BRPF3: variants seen among roughly 807,000 people sequenced by gnomAD.
The protein encoded by BRPF3 is bromodomain and PHD finger-containing protein 3.
BRPF3 carries 18 observed loss-of-function variants against 102.0 expected under a neutral mutation model. The observed-to-expected ratio is 0.18, with a 90% CI of 0.12 to 0.26. BRPF3 has a LOEUF of 0.26. BRPF3 is among the 10% of genes least tolerant of loss of function. The pLI, the probability that BRPF3 is intolerant of heterozygous loss-of-function variation, is 1.00. For synonymous variants in BRPF3, 570 were observed against 614.2 expected (o/e 0.93, Z 1.06); for missense variants, 1,147 against 1,567.8 (o/e 0.73, Z 4.53).
In BRPF3 at chr6:36,201,535, A is replaced by G; in HGVS notation, c.1213A>G (p.Ser405Gly). 6.2e-7 allele frequency: 1 copy of G among 1,614,182 alleles called. No homozygotes were observed. Among genetic ancestry groups the G allele is most frequent in the Non-Finnish European group, 8.5e-7 (1 of 1,180,018 alleles). The change falls in exon 2 of 13, where the codon AGT (serine) becomes GGT (glycine). Residue 405 changes from serine to glycine, a missense_variant. This residue lies in a region of BRPF3 where 157 missense variants were observed against 163.6 expected (regional missense o/e 0.96). Coordinates refer to ENST00000357641, the MANE Select transcript of BRPF3 (RefSeq NM_015695.3). This position sits in a 1 kb window ranked among gnomAD's most constrained non-coding sequence, Gnocchi z 5.1. ...RRKGDSPRSI[S>G]ETGDEEGLKE... is the part of the protein sequence containing the mutation. Reference sequence around the variant, plus strand: ...GAAGGGCGACTCCCCTAGAAGCATCAGTGAGACTGGCGATGAGGAAGGGCT... The same window carrying G: ...GAAGGGCGACTCCCCTAGAAGCATCGGTGAGACTGGCGATGAGGAAGGGCT...
chr6:36,203,168 GC>G (rs1767778874), intron 2 of BRPF3, among the ~76,000 whole-genome samples: 1 of 152,188 alleles, frequency 6.6e-6, no homozygotes, highest in African/African-American at 2.4e-5. Flanking sequence ...GCTGGGGCCA[GC>G]AGAGCTTGCT....
chr6:36,225,483 G>A, intron 11 of BRPF3, 119 bp downstream of exon 11: 1 of 879,912 alleles, frequency 1.1e-6, no homozygotes, highest in Non-Finnish European at 1.7e-6. Context: ...GTAGAGGGGA[G>A]GGGGGTTTTG....
intron 3 of BRPF3, 95 bp from the exon 4 acceptor site, chr6:36,207,218 A>G (rs1767935968): frequency 3.3e-6 from 5 of 1,511,760 alleles, no homozygotes; most frequent in Non-Finnish European, 4.5e-6. Context: ...GGAAGGGGAC[A>G]AGACTTTTAC....
At chr6:36,208,537 T>C (rs1228451881) in intron 4 of BRPF3, among the ~76,000 whole-genome samples, 8 of 152,240 alleles carry the variant, frequency 5.3e-5, no homozygotes, top group South Asian at 2.1e-4. Flanking sequence ...TGGTCAGCCT[T>C]AGCACAACCC....
chr6:36,215,584 G>A lies in BRPF3; in HGVS notation c.2989+1198G>A, dbSNP rs143349947. 1.3e-3 allele frequency among the ~76,000 whole-genome samples: 191 copies of A among 152,342 alleles called. 4 individuals are homozygous for A. The highest frequency in any genetic ancestry group is 4.3e-3 in the African/African-American group (180 of 41,578). On this transcript the variant is annotated intron_variant, in intron 8 of 12. Transcript: ENST00000357641. ...GACAGTATGTTGTTATTTGTCAGGT[G>A]AGAGGTAGCATTGCTAGAGGTGTTC...
chr6:36,211,628 C>T (rs1381190383), intron 7 of BRPF3, 68 bp downstream of exon 7: 4 of 1,497,630 alleles, frequency 2.7e-6, no homozygotes, highest in Non-Finnish European at 3.6e-6. Flanking sequence ...GCTGAAATAT[C>T]ATAATGGGGG....
At position 36,230,908 on chromosome 6, in the gene BRPF3, A is replaced by G. The variant is rs1768919545; in HGVS notation, c.*299A>G. 1 of 357,858 alleles carries G rather than the reference A, an allele frequency of 2.8e-6. No individual in the cohort carries two copies. Among genetic ancestry groups the G allele is most frequent in the African/African-American group, 2.1e-5 (1 of 47,858 alleles). 22.2% of individuals were successfully genotyped at this position (357,858 alleles called of 1,614,324 possible). ...GGGCCCAGCTTAGGAGATTGCCCAG[A>G]TGGCAAGAGGTCCTGGGCTCCTTCT... is the stretch of plus-strand genomic sequence containing the variant. On this transcript the variant is annotated 3_prime_UTR_variant, in exon 13 of 13. Transcript: ENST00000357641. The surrounding 1 kb of genome is among the most constrained non-coding windows in gnomAD (Gnocchi z 5.4).
intron 9 of BRPF3, 37 bp downstream of exon 9, chr6:36,218,047 G>A (rs1343465750): frequency 6.4e-7 from 1 of 1,560,872 alleles, no homozygotes; most frequent in Admixed American, 1.7e-5. Context: ...CAGCAGCTCT[G>A]CTACCCCTCC....
At chr6:36,213,457 G>A (rs1010774406) in intron 7 of BRPF3, among the ~76,000 whole-genome samples, 2 of 152,136 alleles carry the variant, frequency 1.3e-5, no homozygotes, top group Non-Finnish European at 2.9e-5. Flanking sequence ...ACTTTGGGAG[G>A]CAGAGGCAGG....
At chr6:36,215,015 A>T (rs1444334296) in intron 8 of BRPF3, among the ~76,000 whole-genome samples, 1 of 152,020 alleles carries the variant, frequency 6.6e-6, no homozygotes, top group Non-Finnish European at 1.5e-5. Context: ...TGTCTGAGGA[A>T]CACTGAGGGA....
In BRPF3 at chr6:36,209,856, G is replaced by A. The variant is rs199680892; in HGVS notation, c.1807G>A (p.Asp603Asn). 1.3e-5 allele frequency: 21 copies of A among 1,614,184 alleles called. No homozygotes were observed. Among genetic ancestry groups the A allele is most frequent in the Non-Finnish European group, 1.7e-5 (20 of 1,180,028 alleles). ...CAATGTTCTGTTGAGGACAACACTGGACCTGCTGCAGGAGAAGGATCCTGC... is the reference window on the plus strand; with the variant it reads ...CAATGTTCTGTTGAGGACAACACTGAACCTGCTGCAGGAGAAGGATCCTGC... ...PFNVLLRTTLDLLQEKDPAHI... is the reference protein window; with the variant it reads ...PFNVLLRTTLNLLQEKDPAHI... Residue 603 changes from aspartate (D) to asparagine (N), a missense_variant, in exon 5 of 13, where the codon GAC (aspartate) becomes AAC (asparagine). Asp to Asn is a conservative substitution (Grantham distance 23, BLOSUM62 1). Transcript: ENST00000357641.
intron 4 of BRPF3, among the ~76,000 whole-genome samples, chr6:36,208,911 G>T (rs572223657): frequency 6.6e-6 from 1 of 152,334 alleles, no homozygotes; most frequent in East Asian, 1.9e-4. Context: ...CACTTGCGGG[G>T]GCAAGCCTGG....
At chr6:36,222,745 AT>A (rs1768595006) in intron 10 of BRPF3, among the ~76,000 whole-genome samples, 1 of 152,196 alleles carries the variant, frequency 6.6e-6, no homozygotes, top group Non-Finnish European at 1.5e-5. Flanking sequence ...CCAGTGTCCC[AT>A]TATATAGGAA....
chr6:36,199,096 A>G (rs940409723), intron 1 of BRPF3, among the ~76,000 whole-genome samples: 10 of 152,132 alleles, frequency 6.6e-5, no homozygotes, highest in Admixed American at 6.5e-4. Context: ...TGTATCCTGG[A>G]TCAGGGGTTC....
intron 8 of BRPF3, 33 bp downstream of exon 8, chr6:36,214,419 G>T (rs765799978): frequency 2.0e-6 from 3 of 1,517,216 alleles, no homozygotes; most frequent in African/African-American, 1.4e-5. Flanking sequence ...TTGATACTTC[G>T]CATCTGCTTT....
Position 36,232,516 on chromosome 6 carries a change from A to G in BRPF3, c.*1907A>G, listed in dbSNP as rs1385959450. ...TCTCTCTCTGAGTCTCATTTTTTAA[A>G]ATGCTCTTTTAGAACGGGAAACGGC... On this transcript the variant is annotated 3_prime_UTR_variant, in exon 13 of 13. Coordinates refer to ENST00000357641, the MANE Select transcript of BRPF3 (RefSeq NM_015695.3). 6.6e-6 allele frequency: 1 copy of G among 152,588 alleles called. No homozygotes were observed. The highest frequency in any genetic ancestry group is 2.4e-5 in the African/African-American group (1 of 41,420). 9.5% of individuals were successfully genotyped at this position (152,588 alleles called of 1,614,324 possible).
intron 4 of BRPF3, among the ~76,000 whole-genome samples, chr6:36,208,035 T>A (rs1182364503): frequency 6.6e-6 from 1 of 152,210 alleles, no homozygotes; most frequent in Non-Finnish European, 1.5e-5. Context: ...CTTTAATCGC[T>A]TAATACATTG....
chr6:36,228,862 G>T (rs1380659760), intron 11 of BRPF3, 40 bp from the exon 12 acceptor site: 2 of 1,610,414 alleles, frequency 1.2e-6, no homozygotes, highest in South Asian at 2.2e-5. Flanking sequence ...GCTCACCCTG[G>T]CCTCCCTCAC....
Position 36,210,964 on chromosome 6 carries a change from A to G in BRPF3, c.2180-294A>G, listed in dbSNP as rs1482969658. 6.6e-6 allele frequency among the ~76,000 whole-genome samples: 1 copy of G among 152,194 alleles called. No individual in the cohort carries two copies. The highest frequency in any genetic ancestry group is 2.4e-5 in the African/African-American group (1 of 41,440). ...TCCCTGCTCTCTGCTTCTCGATGGC[A>G]GCAGCCAGTCACTCAGGCCAGGGTA... On this transcript the variant is annotated intron_variant, in intron 6 of 12. Coordinates refer to ENST00000357641, the MANE Select transcript of BRPF3 (RefSeq NM_015695.3). The surrounding 1 kb of genome is among the most constrained non-coding windows in gnomAD (Gnocchi z 4.7).
Sources: gnomAD v4.1 joint callset for allele counts (sites outside exome capture counted in the v4.1 genomes callset) on GRCh38, gnomAD v4.1.1 for gene constraint, gnomAD v4.1.1 regional missense constraint, Gnocchi (gnomAD v3.1) non-coding constraint, MANE v1.5 for transcripts, NCBI Gene and HGNC (gene_info 2026-07-23, HGNC 2026-07-21) for gene names.